RTN4: variants seen among roughly 807,000 people sequenced by gnomAD.
RTN4 encodes the protein reticulon 4, also known as reticulon-4.
RTN4 carries 32 observed loss-of-function variants against 90.4 expected under a neutral mutation model. That is an observed-to-expected ratio of 0.35 (90% CI 0.27 to 0.48). The LOEUF (loss-of-function observed/expected upper bound fraction) is 0.48, where lower values mean the gene tolerates loss of function less well. Ranked by LOEUF, RTN4 falls within the 20% of genes least tolerant of loss-of-function variation. RTN4 has a pLI of 0.99. For synonymous variants in RTN4, 629 were observed against 552.5 expected, an observed-to-expected ratio of 1.14 and a Z score of -1.94; for missense variants, 1,706 against 1,430.2, an observed-to-expected ratio of 1.19 and a Z score of -3.11.
intron 2 of RTN4, among the ~76,000 whole-genome samples, chr2:55,059,782 C>G (rs1668256802): frequency 6.6e-6 from 1 of 151,752 alleles, no homozygotes; most frequent in African/African-American, 2.4e-5. Flanking sequence ...TGCAGTGAAC[C>G]AAGATTGCAC....
intron 3 of RTN4, among the ~76,000 whole-genome samples, chr2:54,999,454 C>G (rs1679695260): frequency 6.6e-6 from 1 of 152,038 alleles, no homozygotes; most frequent in Non-Finnish European, 1.5e-5. Context: ...TTTTAAAAAG[C>G]TTTTGTCTGG....
chr2:54,973,687 C>T, intron 7 of RTN4, 66 bp from the exon 8 acceptor site: 1 of 1,506,462 alleles, frequency 6.6e-7, no homozygotes, highest in Non-Finnish European at 9.2e-7. Flanking sequence ...TACTATGTGT[C>T]AAGCTAAAGG....
chr2:55,055,711 A>G (rs1016976656), upstream of RTN4, among the ~76,000 whole-genome samples: 8 of 151,338 alleles, frequency 5.3e-5, no homozygotes, highest in African/African-American at 1.9e-4. Context: ...CAGCGCTTGC[A>G]GTGAGCAGAG....
In RTN4 at chr2:55,022,327, GTGCTGTTT is replaced by G. The variant is rs1258280757; in HGVS notation, c.3013+2751_3013+2758del. ...CTGTTCCCTCCTAAACCATTTTACT[GTGCTGTTT>G]GAAACCCCCATTCCACTGTGAACCA... On this transcript the variant is annotated intron_variant, in intron 3 of 8. Transcript: ENST00000337526. Among the ~76,000 whole-genome samples, 8 of 152,182 alleles carry G rather than the reference GTGCTGTTT, an allele frequency of 5.3e-5. No homozygotes were observed. The East Asian group carries it at 1.2e-3, about 22-fold the overall frequency.
intron 1 of RTN4, among the ~76,000 whole-genome samples, chr2:55,102,274 A>C (rs1667865873): frequency 6.6e-6 from 1 of 152,126 alleles, no homozygotes; most frequent in Non-Finnish European, 1.5e-5. Flanking sequence ...AATCCCTTGA[A>C]GATGGTATAT....
chr2:55,025,370 A>C lies in RTN4; in HGVS notation c.2729T>G (p.Leu910Trp). ...GTCATGGGGCAATTCTGTGCAAGGC[A>C]ATGACCCAGCTCCATCCGGGGCATT... ...IANAPDGAGS[L>W]PCTELPHDLS... The change falls in exon 3 of 9, where the codon TTG becomes TGG. Residue 910 changes from leucine to tryptophan, a missense_variant. Transcript: ENST00000337526. 1 of 1,613,978 alleles carries C rather than the reference A, an allele frequency of 6.2e-7. No individual in the cohort carries two copies. Among genetic ancestry groups the C allele is most frequent in the Non-Finnish European group, 8.5e-7 (1 of 1,179,906 alleles).
At chr2:55,071,365 G>T (rs990307881) in intron 2 of RTN4, among the ~76,000 whole-genome samples, 1 of 151,792 alleles carries the variant, frequency 6.6e-6, no homozygotes, top group Non-Finnish European at 1.5e-5. Flanking sequence ...AACAACGAAA[G>T]GAGATGGAAA....
intron 1 of RTN4, among the ~76,000 whole-genome samples, chr2:55,100,597 T>C (rs2105055500): frequency 6.6e-6 from 1 of 152,276 alleles, no homozygotes; most frequent in East Asian, 1.9e-4. Flanking sequence ...TCAAGGTACA[T>C]CTTCTCTAAA....
chr2:55,049,577 C>A (rs1343347104), intron 1 of RTN4, 168 bp downstream of exon 1: 1 of 1,141,644 alleles, frequency 8.8e-7, no homozygotes, highest in Admixed American at 2.0e-5. Context: ...AAGGGCCGCC[C>A]CACCCTTCTC....
Position 55,055,909 on chromosome 2 carries a change from G to T in RTN4, c.-63+24580C>A, listed in dbSNP as rs569841527. Reference sequence around the variant, plus strand: ...TAAGAATGTATATCTATAAATATGTGTATATATAGATGTATACATGTATAT... The same window carrying T: ...TAAGAATGTATATCTATAAATATGTTTATATATAGATGTATACATGTATAT... On this transcript the variant is annotated intron_variant, in intron 2 of 3. Coordinates refer to the RTN4 transcript ENST00000427710. 4.0e-5 allele frequency among the ~76,000 whole-genome samples: 6 copies of T among 151,680 alleles called. No homozygotes were observed. In the South Asian group the frequency reaches 1.2e-3, roughly 32 times the overall value.
chr2:54,974,815 C>A (rs141859204), intron 5 of RTN4, 51 bp from the exon 6 acceptor site: 5 of 1,489,224 alleles, frequency 3.4e-6, no homozygotes, highest in Middle Eastern at 1.7e-4. Context: ...AGTAAAGTTT[C>A]TTAATTATGC....
At chr2:55,047,058 G>A (rs1203466347) in intron 1 of RTN4, among the ~76,000 whole-genome samples, 6 of 152,184 alleles carry the variant, frequency 3.9e-5, no homozygotes, top group African/African-American at 1.2e-4. Flanking sequence ...CAGGCGCAGT[G>A]GCTCATGCCT....
intron 1 of RTN4, among the ~76,000 whole-genome samples, chr2:55,041,055 G>A (rs57737203): frequency 2.7e-5 from 4 of 147,684 alleles, no homozygotes; most frequent in Admixed American, 1.3e-4. Context: ...AGAGTACAGA[G>A]AATATTTCTT....
the RTN4 span, among the ~76,000 whole-genome samples, chr2:55,118,774 C>A: frequency 6.6e-6 from 1 of 152,176 alleles, no homozygotes; most frequent in Non-Finnish European, 1.5e-5. Flanking sequence ...AGAGACTGCT[C>A]TCTAATGCAG....
chr2:55,106,099 G>A (rs2968820), intron 1 of RTN4, among the ~76,000 whole-genome samples: 143,897 of 152,100 alleles, frequency 0.95, 68,277 homozygotes, highest in Non-Finnish European at 0.98. Context: ...TATTTGGGGG[G>A]TTGTACTTTT....
Position 55,050,185 on chromosome 2 carries a change from T to C in RTN4, c.116A>G (p.Glu39Gly), listed in dbSNP as rs781397202. The C allele has an allele frequency of 2.2e-5, 34 of 1,569,462 alleles. No homozygotes were observed. The highest frequency in any genetic ancestry group is 2.8e-5 in the African/African-American group (2 of 71,792). The change falls in exon 1 of 9, where the codon GAG becomes GGG. Residue 39 changes from glutamate (E) to glycine (G), a missense_variant. Coordinates refer to ENST00000337526, the MANE Select transcript of RTN4 (RefSeq NM_020532.5). The surrounding 1 kb of genome is among the most constrained non-coding windows in gnomAD (Gnocchi z 4.6). The part of the protein sequence containing the change: ...REPEDEEEEE[E>G]EEEEDEDEDL... ...TTCGTCCTCGTCCTCCTCTTCCTCC[T>C]CCTCTTCTTCCTCCTCGTCCTCGGG... is the stretch of plus-strand genomic sequence containing the variant.
At chr2:55,083,449 T>C (rs939656198) in intron 1 of RTN4, among the ~76,000 whole-genome samples, 2 of 151,942 alleles carry the variant, frequency 1.3e-5, no homozygotes, top group East Asian at 1.9e-4. Context: ...TGAGCCAAGA[T>C]TGCGCCACTG....
intron 2 of RTN4, among the ~76,000 whole-genome samples, chr2:55,060,048 G>C (rs1668263154): frequency 6.6e-6 from 1 of 152,164 alleles, no homozygotes; most frequent in South Asian, 2.1e-4. Context: ...CTAATGGATT[G>C]AAACTGCAGT....
At chr2:55,100,944 A>C (rs961429773) in intron 1 of RTN4, among the ~76,000 whole-genome samples, 1 of 151,852 alleles carries the variant, frequency 6.6e-6, no homozygotes, top group Admixed American at 6.6e-5. Flanking sequence ...CACTTAAAAC[A>C]CTTTGGATTA....
Sources: gnomAD v4.1 joint callset for allele counts (sites outside exome capture counted in the v4.1 genomes callset) on GRCh38, gnomAD v4.1.1 for gene constraint, Gnocchi (gnomAD v3.1) non-coding constraint, MANE v1.5 for transcripts, NCBI Gene and HGNC (gene_info 2026-07-23, HGNC 2026-07-21) for gene names.